RTN1: variants seen among roughly 807,000 people sequenced by gnomAD.
The protein encoded by RTN1 is reticulon-1.
In RTN1, 25 loss-of-function variants were observed where a neutral mutation model predicts 65.5. The observed-to-expected ratio is 0.38, with a 90% CI of 0.28 to 0.53. The LOEUF (loss-of-function observed/expected upper bound fraction) is 0.53. RTN1 is among the 20% of genes least tolerant of loss of function. The pLI is 0.79. For missense variants in RTN1, 983 were observed against 1,025.4 expected, an observed-to-expected ratio of 0.96 and a Z score of 0.57; for synonymous variants, 471 against 447.6, an observed-to-expected ratio of 1.05 and a Z score of -0.66.
chr14:59,833,355 A>G (rs1887159426), intron 1 of RTN1, among the ~76,000 whole-genome samples: 1 of 152,248 alleles, frequency 6.6e-6, no homozygotes, highest in African/African-American at 2.4e-5. Context: ...TATGGGCGAT[A>G]TAAGTCTAAG....
chr14:59,667,097 T>A (rs906167558), intron 3 of RTN1, among the ~76,000 whole-genome samples: 1 of 151,048 alleles, frequency 6.6e-6, no homozygotes, highest in African/African-American at 2.4e-5. Context: ...GAATCCTCCC[T>A]AACTCATTTT....
At chr14:59,630,462 G>T (rs1449638556) in intron 3 of RTN1, 1 of 1,613,842 alleles carries the variant, frequency 6.2e-7, no homozygotes, top group Non-Finnish European at 8.5e-7. Flanking sequence ...TTTTCCAGTT[G>T]CTCCACACAC....
At chr14:59,797,584 T>A (rs1201058018) in intron 1 of RTN1, among the ~76,000 whole-genome samples, 1 of 152,218 alleles carries the variant, frequency 6.6e-6, no homozygotes, top group African/African-American at 2.4e-5. Context: ...GGTAGCTACC[T>A]ACATGGCAGG....
intron 1 of RTN1, among the ~76,000 whole-genome samples, chr14:59,753,919 A>G (rs1244966553): frequency 6.6e-6 from 1 of 152,180 alleles, no homozygotes; most frequent in Non-Finnish European, 1.5e-5. Flanking sequence ...TGTTTCCTGG[A>G]CCATCTAGAG....
intron 1 of RTN1, among the ~76,000 whole-genome samples, chr14:59,808,303 C>T (rs1466172553): frequency 6.6e-6 from 1 of 152,144 alleles, no homozygotes; most frequent in Admixed American, 6.5e-5. Context: ...TGCTGAAAGT[C>T]TATTAAGATT....
At chr14:59,695,976 GT>G (rs1394206471) in intron 3 of RTN1, among the ~76,000 whole-genome samples, 2 of 151,940 alleles carry the variant, frequency 1.3e-5, no homozygotes, top group Non-Finnish European at 2.9e-5. Context: ...TATGCATGTA[GT>G]TTTTTTATAT....
intron 3 of RTN1, among the ~76,000 whole-genome samples, chr14:59,668,447 T>A (rs1163044297): frequency 6.6e-6 from 1 of 152,158 alleles, no homozygotes; most frequent in Non-Finnish European, 1.5e-5. Context: ...TATACAAAAA[T>A]TAATTCAAGA....
rs1424198752 is a variant in RTN1 at position 59,836,526 on chromosome 14, A to G, written c.241+33864T>C. The stretch of plus-strand genomic sequence containing the variant: ...TGCTTTCATCTATGGATGGGCTAAA[A>G]TTTGTTGCTATTAGAAAAAATTGAT... On this transcript the variant is annotated intron_variant, in intron 1 of 8. Coordinates refer to ENST00000267484, the MANE Select transcript of RTN1 (RefSeq NM_021136.3). This position sits in a 1 kb window ranked among gnomAD's most constrained non-coding sequence, Gnocchi z 4.9. Among the ~76,000 whole-genome samples, 1 of 152,210 alleles carries G rather than the reference A, an allele frequency of 6.6e-6. No homozygotes were observed. The highest frequency in any genetic ancestry group is 1.5e-5 in the Non-Finnish European group (1 of 68,042).
intron 3 of RTN1, among the ~76,000 whole-genome samples, chr14:59,703,009 C>T (rs1884212511): frequency 6.6e-6 from 1 of 152,148 alleles, no homozygotes; most frequent in Non-Finnish European, 1.5e-5. Context: ...CCCATAGCTG[C>T]TTACCTAAGT....
chr14:59,740,977 G>A (rs1433637674), intron 2 of RTN1, among the ~76,000 whole-genome samples: 1 of 152,136 alleles, frequency 6.6e-6, no homozygotes, highest in Non-Finnish European at 1.5e-5. Context: ...TGATAATTAT[G>A]ATGATATAAT....
chr14:59,777,822 C>CAA, intron 1 of RTN1, among the ~76,000 whole-genome samples: 1 of 147,388 alleles, frequency 6.8e-6, no homozygotes, highest in African/African-American at 2.5e-5. Context: ...ACAACAACAA[C>CAA]AAAAAAAAAA....
At chr14:59,656,814 AAC>A (rs1883131465) in intron 3 of RTN1, among the ~76,000 whole-genome samples, 1 of 152,190 alleles carries the variant, frequency 6.6e-6, no homozygotes, top group African/African-American at 2.4e-5. Flanking sequence ...ATTTCCACCA[AAC>A]ACAGGCATGA....
At chr14:59,848,159 G>T (rs569572754) in intron 1 of RTN1, among the ~76,000 whole-genome samples, 57 of 152,222 alleles carry the variant, frequency 3.7e-4, no homozygotes, top group African/African-American at 1.1e-3. Context: ...CCATTATTAT[G>T]CCTTTTATCT....
intron 3 of RTN1, among the ~76,000 whole-genome samples, chr14:59,689,664 A>G (rs1460178516): frequency 6.6e-6 from 1 of 152,234 alleles, no homozygotes; most frequent in East Asian, 1.9e-4. Flanking sequence ...TAGCATTCTT[A>G]GAGAAAAGAA....
chr14:59,630,514 G>T, intron 3 of RTN1: 3 of 1,613,606 alleles, frequency 1.9e-6, no homozygotes, highest in Non-Finnish European at 2.5e-6. Context: ...CATCGTGCGG[G>T]CTTTGGGGGC....
intron 8 of RTN1, among the ~76,000 whole-genome samples, chr14:59,597,784 A>G (rs1881449377): frequency 6.6e-6 from 1 of 152,206 alleles, no homozygotes; most frequent in Admixed American, 6.5e-5. Flanking sequence ...ACAGGAAGGG[A>G]CCATCAGGCA....
At chr14:59,749,495 AT>A (rs1298003153) in intron 1 of RTN1, among the ~76,000 whole-genome samples, 27 of 74,070 alleles carry the variant, frequency 3.6e-4, no homozygotes, top group African/African-American at 2.0e-3. Context: ...ATATATCTAT[AT>A]ATATCTATAT....
intron 1 of RTN1, among the ~76,000 whole-genome samples, chr14:59,800,169 T>C (rs1886513865): frequency 6.6e-6 from 1 of 152,016 alleles, no homozygotes; most frequent in Non-Finnish European, 1.5e-5. Flanking sequence ...AGTAACCCAT[T>C]GTGAGAGGAA....
intron 3 of RTN1, among the ~76,000 whole-genome samples, chr14:59,683,228 T>A (rs368445828): frequency 6.6e-5 from 10 of 152,312 alleles, no homozygotes; most frequent in African/African-American, 2.4e-4. Context: ...GAAGGTAGTA[T>A]TAATTTTGTG....
Sources: allele counts gnomAD v4.1 joint callset (sites outside exome capture counted in the v4.1 genomes callset), GRCh38; gene constraint gnomAD v4.1.1; non-coding constraint Gnocchi (gnomAD v3.1); transcripts MANE v1.5; gene names NCBI Gene and HGNC (gene_info 2026-07-23, HGNC 2026-07-21).